The following ALS2 variants were observed in gnomAD, a reference collection of about 807,000 sequenced individuals.
ALS2 encodes alsin.
Under a neutral mutation model 203.4 loss-of-function variants are expected in ALS2, and 117 were observed. That is an observed-to-expected ratio of 0.58 (90% CI 0.50 to 0.67). ALS2 has a LOEUF of 0.67. Among genes scored for constraint, ALS2 ranks in the 30% least tolerant of loss-of-function variants. ALS2 has a pLI of 0.00. For synonymous variants in ALS2, 718 were observed against 725.9 expected (o/e 0.99, Z 0.17); for missense variants, 1,715 against 1,989.4 (o/e 0.86, Z 2.62).
At chr2:201,701,961 G>T in intron 33 of ALS2, 72 bp from the exon 34 acceptor site, 2 of 1,387,866 alleles carry the variant, frequency 1.4e-6, no homozygotes, top group Non-Finnish European at 1.0e-6. Flanking sequence ...ATGCATATGG[G>T]ACTAAAGAAA....
At position 201,704,129 on chromosome 2, in the gene ALS2, G is replaced by A; in HGVS notation, c.4928C>T (p.Thr1643Ile). The A allele has an allele frequency of 6.2e-7, 1 of 1,607,610 alleles. No individual in the cohort carries two copies. The highest frequency in any genetic ancestry group is 8.5e-7 in the Non-Finnish European group (1 of 1,174,096). ...AATAATAACTATACTCACCTTCAAGGTGGTGAACATTATACCCTGTTCCCC... is the reference window on the plus strand; with the variant it reads ...AATAATAACTATACTCACCTTCAAGATGGTGAACATTATACCCTGTTCCCC... Reference protein sequence around the residue: ...QHGEQGIMFTTLKACYYQIQR... With the variant: ...QHGEQGIMFTILKACYYQIQR... The change falls in exon 33 of 34, where the codon ACC (threonine) becomes ATC (isoleucine). Residue 1643 changes from threonine to isoleucine, a missense_variant. Physicochemically the swap from Thr to Ile is moderately conservative, Grantham distance 89 (BLOSUM62 -1). Around this residue, in one of 3 missense-constraint regions of ALS2, gnomAD observed 1,227 missense variants for 1,413.5 expected, o/e 0.87. Transcript: ENST00000264276.
intron 26 of ALS2, among the ~76,000 whole-genome samples, chr2:201,710,642 T>TA (rs1269413153): frequency 2.0e-5 from 3 of 152,132 alleles, no homozygotes; most frequent in Admixed American, 6.5e-5. Flanking sequence ...TAGCTGGTCT[T>TA]ACAAGTTTTC....
intron 29 of ALS2, among the ~76,000 whole-genome samples, chr2:201,706,300 T>G (rs1050395861): frequency 2.0e-5 from 3 of 151,086 alleles, no homozygotes; most frequent in Non-Finnish European, 4.4e-5. Flanking sequence ...GCATGAGAAT[T>G]GCTTGAACTT....
chr2:201,720,052 A>G (rs1382755571), intron 23 of ALS2: 2 of 381,594 alleles, frequency 5.2e-6, no homozygotes, highest in Admixed American at 7.8e-5. Context: ...AAGAAATAAT[A>G]CCAAAGCTTC....
In ALS2 at chr2:201,704,176, T is replaced by C. The variant is rs200069179; in HGVS notation, c.4881A>G (p.Leu1627=). ...CCCCATGCTGAAGATAGGGGTCCATTAGATCCTCAATGAGGTGTACCTCAG... is the reference window on the plus strand; with the variant it reads ...CCCCATGCTGAAGATAGGGGTCCATCAGATCCTCAATGAGGTGTACCTCAG... The part of the protein sequence containing the change: ...LGSEVHLIED[L]MDPYLQHGEQ... The change falls in exon 33 of 34, where the codon CTA becomes CTG. Residue 1627 remains leucine, a synonymous_variant. Coordinates refer to ENST00000264276, the MANE Select transcript of ALS2 (RefSeq NM_020919.4). 5.0e-5 allele frequency: 81 copies of C among 1,614,026 alleles called. No individual in the cohort carries two copies. Among genetic ancestry groups the C allele is most frequent in the Non-Finnish European group, 6.4e-5 (75 of 1,180,008 alleles).
intron 11 of ALS2, 127 bp from the exon 12 acceptor site, chr2:201,738,862 T>G (rs1692056981): frequency 1.2e-6 from 1 of 837,824 alleles, no homozygotes; most frequent in African/African-American, 1.7e-5. Flanking sequence ...TTTTGTGATG[T>G]CAACATTTGT....
At chr2:201,779,619 A>G (rs1006080279) in intron 1 of ALS2, among the ~76,000 whole-genome samples, 7 of 152,220 alleles carry the variant, frequency 4.6e-5, no homozygotes, top group African/African-American at 1.7e-4. Context: ...TGTATTGAAT[A>G]TTTACCATAA....
chr2:201,709,505 A>G (rs1689908890), intron 27 of ALS2, among the ~76,000 whole-genome samples: 1 of 152,210 alleles, frequency 6.6e-6, no homozygotes, highest in South Asian at 2.1e-4. Context: ...GCCAAAGGAC[A>G]AGACACAAAA....
Position 201,761,505 on chromosome 2 carries a change from C to T in ALS2, c.489G>A (p.Leu163=), listed in dbSNP as rs759299836. ...AAATCTCTCTGCTTATTGACAATGC[C>T]AGAGTGTGCTCCTCGCCACACGCCA... The part of the protein sequence containing the change: ...LQLACGEEHT[L]ALSISREIWA... The change falls in exon 4 of 34, where the codon CTG becomes CTA. Residue 163 remains leucine (L), a synonymous_variant. Transcript: ENST00000264276. 2 of 1,613,250 alleles carry T rather than the reference C, an allele frequency of 1.2e-6. No homozygotes were observed. The highest frequency in any genetic ancestry group is 3.3e-4 in the Middle Eastern group (2 of 6,060).
chr2:201,774,536 T>C (rs956979195), intron 1 of ALS2, among the ~76,000 whole-genome samples: 2 of 152,190 alleles, frequency 1.3e-5, no homozygotes, highest in Non-Finnish European at 2.9e-5. Flanking sequence ...AGGATATAAA[T>C]AAAAATTTTA....
At chr2:201,715,881 T>C in intron 24 of ALS2, 42 bp from the exon 25 acceptor site, 2 of 1,611,472 alleles carry the variant, frequency 1.2e-6, no homozygotes, top group Non-Finnish European at 1.7e-6. Context: ...ATTTCTTTTG[T>C]GCAAAATTGT....
At chr2:201,727,111 C>T in intron 17 of ALS2, 101 bp downstream of exon 17, 1 of 1,127,488 alleles carries the variant, frequency 8.9e-7, no homozygotes. Context: ...CAGAACTGTG[C>T]ATCATTAGTC....
chr2:201,752,342 G>A (rs927028136), intron 7 of ALS2, among the ~76,000 whole-genome samples: 2 of 151,934 alleles, frequency 1.3e-5, no homozygotes, highest in Middle Eastern at 3.4e-3. Context: ...GAATTTCCTC[G>A]AGTATGTTTT....
chr2:201,770,285 C>T (rs1694317793), intron 1 of ALS2, among the ~76,000 whole-genome samples: 1 of 152,174 alleles, frequency 6.6e-6, no homozygotes. Flanking sequence ...ACAACTGACA[C>T]ACTATATGTA....
At chr2:201,728,054 G>A (rs1290008090) in intron 15 of ALS2, among the ~76,000 whole-genome samples, 2 of 152,070 alleles carry the variant, frequency 1.3e-5, no homozygotes, top group Admixed American at 6.6e-5. Context: ...GAAATCCAAC[G>A]CATACAGAAA....
chr2:201,718,796 T>A (rs750511735), intron 23 of ALS2, among the ~76,000 whole-genome samples: 2 of 152,142 alleles, frequency 1.3e-5, no homozygotes, highest in Non-Finnish European at 2.9e-5. Context: ...TAGGGGATGA[T>A]GTAAATTACA....
intron 31 of ALS2, 102 bp downstream of exon 31, chr2:201,705,037 G>T: frequency 8.8e-7 from 1 of 1,136,076 alleles, no homozygotes; most frequent in Non-Finnish European, 1.3e-6. Flanking sequence ...ATATAGAATG[G>T]GGATGCTTAA....
rs1690531316 is a variant in ALS2 at position 201,718,191 on chromosome 2, T to C, written c.3722A>G (p.Asn1241Ser). ...AAAATAACCTTCAATGTAGTCTCCATTTGGCATAGTCAGTGTTCCCTAGGT... is the reference window on the plus strand; with the variant it reads ...AAAATAACCTTCAATGTAGTCTCCACTTGGCATAGTCAGTGTTCCCTAGGT... ...LSGKGTLTMP[N>S]GDYIEGYFSG... is the part of the protein sequence containing the mutation. The change falls in exon 24 of 34, where the codon AAT becomes AGT. Residue 1241 changes from asparagine to serine, a missense_variant. This residue lies in a region of ALS2 where 1,227 missense variants were observed against 1,413.5 expected (regional missense o/e 0.87). Coordinates refer to ENST00000264276, the MANE Select transcript of ALS2 (RefSeq NM_020919.4). 6.2e-7 allele frequency: 1 copy of C among 1,613,388 alleles called. No individual in the cohort carries two copies. The highest frequency in any genetic ancestry group is 1.1e-5 in the South Asian group (1 of 91,062).
At chr2:201,725,819 G>T (rs1307366551) in intron 19 of ALS2, among the ~76,000 whole-genome samples, 2 of 152,172 alleles carry the variant, frequency 1.3e-5, no homozygotes, top group East Asian at 1.9e-4. Flanking sequence ...TAAATTAGAT[G>T]ATCTAAAGTC....
Sources: allele counts gnomAD v4.1 joint callset (sites outside exome capture counted in the v4.1 genomes callset), GRCh38; gene constraint gnomAD v4.1.1; regional missense constraint gnomAD v4.1.1; transcripts MANE v1.5; gene names NCBI Gene and HGNC (gene_info 2026-07-23, HGNC 2026-07-21).